The following RNF150 variants were observed in gnomAD, a reference collection of about 807,000 sequenced individuals.
RNF150 encodes ring finger protein 150.
RNF150 carries 24 observed loss-of-function variants against 39.3 expected under a neutral mutation model. That is an observed-to-expected ratio of 0.61 (90% CI 0.44 to 0.86). The LOEUF (loss-of-function observed/expected upper bound fraction) is 0.86. Ranked by LOEUF, RNF150 falls within the 40% of genes least tolerant of loss-of-function variation. The pLI, the probability that RNF150 is intolerant of heterozygous loss-of-function variation, is 0.00. For missense variants in RNF150, 502 were observed against 587.8 expected, an observed-to-expected ratio of 0.85 and a Z score of 1.51; for synonymous variants, 255 against 227.3, an observed-to-expected ratio of 1.12 and a Z score of -1.10.
At chr4:141,180,185 C>T (rs1177575674) in intron 1 of RNF150, among the ~76,000 whole-genome samples, 1 of 152,146 alleles carries the variant, frequency 6.6e-6, no homozygotes, top group Non-Finnish European at 1.5e-5. Context: ...GAATTGGTGT[C>T]TCTGATTCTC....
rs570774168 is a variant in RNF150 at position 140,980,439 on chromosome 4, A to G, written c.485-12566T>C. On this transcript the variant is annotated intron_variant, in intron 1 of 6. Coordinates refer to ENST00000515673, the MANE Select transcript of RNF150 (RefSeq NM_020724.2). ...GGATCTAATGAACTTCTAGATATTT[A>G]TGATACACTATTCTGTACCATTGGA... 5.8e-3 allele frequency among the ~76,000 whole-genome samples: 886 copies of G among 152,270 alleles called. 5 individuals carry two copies. The highest frequency in any genetic ancestry group is 9.7e-3 in the Non-Finnish European group (660 of 68,010).
At chr4:141,013,772 C>A (rs76052455) in intron 1 of RNF150, among the ~76,000 whole-genome samples, 125 of 152,262 alleles carry the variant, frequency 8.2e-4, no homozygotes, top group African/African-American at 2.9e-3. Flanking sequence ...ATGGAGACAG[C>A]GTGGCATGAT....
intron 1 of RNF150, among the ~76,000 whole-genome samples, chr4:141,208,583 A>G (rs1728414444): frequency 6.6e-6 from 1 of 152,162 alleles, no homozygotes; most frequent in Admixed American, 6.5e-5. Context: ...TTCCTTTTCA[A>G]TTTTGCTCTT....
chr4:140,947,607 G>A (rs374702568), intron 4 of RNF150, 47 bp downstream of exon 4: 82 of 1,438,932 alleles, frequency 5.7e-5, no homozygotes, highest in Non-Finnish European at 7.3e-5. Context: ...ACGCAGGCAC[G>A]CTCCACACAC....
intron 6 of RNF150, among the ~76,000 whole-genome samples, chr4:140,880,645 T>TG (rs142147407): frequency 0.13 from 20,225 of 151,312 alleles, 1,658 homozygotes; most frequent in East Asian, 0.38. Flanking sequence ...CTGGGTTTTT[T>TG]TTTGTTTGTT....
At chr4:141,012,868 G>C (rs1735127146) in intron 1 of RNF150, among the ~76,000 whole-genome samples, 1 of 150,296 alleles carries the variant, frequency 6.7e-6, no homozygotes, top group Non-Finnish European at 1.5e-5. Flanking sequence ...TTCCTGGAGA[G>C]AGCAGGTGTA....
intron 1 of RNF150, among the ~76,000 whole-genome samples, chr4:141,053,044 G>C (rs933496710): frequency 6.6e-6 from 1 of 152,052 alleles, no homozygotes; most frequent in African/African-American, 2.4e-5. Flanking sequence ...CACCTAATAA[G>C]GTTGTGGGTA....
Position 141,211,098 on chromosome 4 carries a change from A to G in RNF150, c.-6+1696T>C, listed in dbSNP as rs79545291. On this transcript the variant is annotated intron_variant, in intron 1 of 7. Coordinates refer to the RNF150 transcript ENST00000420921. ...GTCTTGGACTTCTTGTATATGAAAG[A>G]AAAACCACCTTGTTGAATCCATCAT... Among the ~76,000 whole-genome samples the G allele has an allele frequency of 1.7e-3, 263 of 152,322 alleles. 3 individuals carry two copies. The highest frequency in any genetic ancestry group is 6.2e-3 in the African/African-American group (257 of 41,566).
chr4:140,943,371 A>G (rs1193564595), intron 4 of RNF150, among the ~76,000 whole-genome samples: 4 of 152,242 alleles, frequency 2.6e-5, no homozygotes, highest in Non-Finnish European at 5.9e-5. Flanking sequence ...AATAAAAAGA[A>G]GACAATATAT....
intron 1 of RNF150, among the ~76,000 whole-genome samples, chr4:140,993,748 A>G (rs1340674128): frequency 6.6e-6 from 1 of 152,208 alleles, no homozygotes; most frequent in Admixed American, 6.5e-5. Flanking sequence ...CTCAAAGATG[A>G]TAAGGAGGGT....
intron 1 of RNF150, among the ~76,000 whole-genome samples, chr4:141,006,991 GA>G (rs1251719435): frequency 6.6e-6 from 1 of 152,014 alleles, no homozygotes; most frequent in Non-Finnish European, 1.5e-5. Context: ...TCCCTAATGA[GA>G]AAAAAAGTTA....
chr4:141,053,739 C>T (rs1315834867), intron 1 of RNF150: 2 of 1,360,864 alleles, frequency 1.5e-6, no homozygotes, highest in Non-Finnish European at 1.9e-6. Flanking sequence ...AACCTGTGAA[C>T]AACGATAAAA....
At chr4:141,077,389 G>A (rs537352263) in intron 1 of RNF150, among the ~76,000 whole-genome samples, 1 of 152,148 alleles carries the variant, frequency 6.6e-6, no homozygotes, top group Non-Finnish European at 1.5e-5. Flanking sequence ...AGATGCAAAA[G>A]GCTACATATG....
At chr4:141,067,021 T>A (rs551749813) in intron 1 of RNF150, among the ~76,000 whole-genome samples, 1 of 152,304 alleles carries the variant, frequency 6.6e-6, no homozygotes, top group African/African-American at 2.4e-5. Flanking sequence ...AACACAATGT[T>A]ATCTGTGTAT....
intron 1 of RNF150, among the ~76,000 whole-genome samples, chr4:141,163,243 G>T (rs1281566406): frequency 2.0e-5 from 3 of 152,212 alleles, no homozygotes; most frequent in Non-Finnish European, 4.4e-5. Context: ...TAGCCAGAGT[G>T]CTTCTCTAGA....
intron 1 of RNF150, among the ~76,000 whole-genome samples, chr4:141,097,039 C>T (rs140503754): frequency 2.2e-4 from 33 of 152,314 alleles, no homozygotes; most frequent in African/African-American, 5.1e-4. Flanking sequence ...ATGTCCTCAA[C>T]GGAAAAATGA....
At chr4:140,939,621 T>C in intron 4 of RNF150, among the ~76,000 whole-genome samples, 1 of 20,872 alleles carries the variant, frequency 4.8e-5, no homozygotes, top group South Asian at 1.0e-3. Context: ...TGTGTGTGTG[T>C]GTGTGTGTGT....
chr4:141,110,492 C>T (rs901156041), intron 1 of RNF150, among the ~76,000 whole-genome samples: 4 of 151,710 alleles, frequency 2.6e-5, no homozygotes, highest in Non-Finnish European at 4.4e-5. Flanking sequence ...GTGGAGTGAT[C>T]GTGGTTCACT....
At chr4:141,052,452 T>C (rs990537868) in intron 1 of RNF150, among the ~76,000 whole-genome samples, 5 of 152,226 alleles carry the variant, frequency 3.3e-5, no homozygotes, top group Admixed American at 1.3e-4. Flanking sequence ...CTTGGCTCAC[T>C]GCAACCTCCA....
Sources: gnomAD v4.1 joint callset for allele counts (sites outside exome capture counted in the v4.1 genomes callset) on GRCh38, gnomAD v4.1.1 for gene constraint, MANE v1.5 for transcripts, NCBI Gene and HGNC (gene_info 2026-07-23, HGNC 2026-07-21) for gene names.